KSR2: variants seen among roughly 807,000 people sequenced by gnomAD.
The protein encoded by KSR2 is kinase suppressor of ras 2.
In KSR2, 25 loss-of-function variants were observed where a neutral mutation model predicts 107.8. The observed-to-expected ratio is 0.23, with a 90% CI of 0.17 to 0.32. The LOEUF (loss-of-function observed/expected upper bound fraction) is 0.32, where lower values mean the gene tolerates loss of function less well. Among genes scored for constraint, KSR2 ranks in the 10% least tolerant of loss-of-function variants. KSR2 has a pLI of 1.00. For missense variants in KSR2, 887 were observed against 1,268.9 expected, an observed-to-expected ratio of 0.70 and a Z score of 4.57; for synonymous variants, 480 against 507.0, an observed-to-expected ratio of 0.95 and a Z score of 0.71.
At chr12:117,937,133 G>A (rs899518988) in intron 1 of KSR2, among the ~76,000 whole-genome samples, 1 of 152,194 alleles carries the variant, frequency 6.6e-6, no homozygotes. Context: ...CTAAATAGTA[G>A]CGGGGGAAAG....
chr12:117,820,855 T>C (rs1394704486), intron 3 of KSR2, among the ~76,000 whole-genome samples: 8 of 152,272 alleles, frequency 5.3e-5, no homozygotes. Context: ...CTACTCCCTG[T>C]CTCAAAGCAA....
At chr12:117,705,949 C>T (rs1481557551) in intron 4 of KSR2, among the ~76,000 whole-genome samples, 2 of 151,992 alleles carry the variant, frequency 1.3e-5, no homozygotes, top group Non-Finnish European at 2.9e-5. Context: ...GCCTCACAAG[C>T]CGTTCAGACA....
chr12:117,646,546 G>A (rs1002613884), intron 5 of KSR2, among the ~76,000 whole-genome samples: 1 of 152,170 alleles, frequency 6.6e-6, no homozygotes, highest in Non-Finnish European at 1.5e-5. Context: ...GAAAGCTGCA[G>A]CCAAAGCCTG....
At chr12:117,955,475 G>A (rs1032332278) in intron 1 of KSR2, among the ~76,000 whole-genome samples, 3 of 151,970 alleles carry the variant, frequency 2.0e-5, no homozygotes, top group African/African-American at 7.2e-5. Flanking sequence ...TTGGCACAGG[G>A]TTACTTAGCT....
chr12:117,845,779 C>T (rs1892682647), intron 3 of KSR2, among the ~76,000 whole-genome samples: 2 of 151,888 alleles, frequency 1.3e-5, no homozygotes, highest in South Asian at 4.2e-4. Context: ...CTCCCAGGCT[C>T]AGGTGATTCT....
chr12:117,737,416 G>A (rs555699088), intron 4 of KSR2, among the ~76,000 whole-genome samples: 10 of 152,080 alleles, frequency 6.6e-5, no homozygotes, highest in Non-Finnish European at 1.3e-4. Flanking sequence ...CCAAACTTCA[G>A]TCATTCTGTA....
intron 5 of KSR2, among the ~76,000 whole-genome samples, chr12:117,645,022 C>T (rs1187719722): frequency 6.6e-6 from 1 of 152,164 alleles, no homozygotes; most frequent in African/African-American, 2.4e-5. Flanking sequence ...ATAACTTGGG[C>T]CACAGTTGGT....
At chr12:117,698,531 G>A (rs1244186778) in intron 4 of KSR2, among the ~76,000 whole-genome samples, 3 of 151,474 alleles carry the variant, frequency 2.0e-5, no homozygotes, top group Admixed American at 2.0e-4. Flanking sequence ...TTGCTATGTT[G>A]CCCAGGCTGG....
chr12:117,719,912 A>G (rs1887139344), intron 4 of KSR2, among the ~76,000 whole-genome samples: 1 of 152,124 alleles, frequency 6.6e-6, no homozygotes, highest in South Asian at 2.1e-4. Context: ...GCGAAGGGCA[A>G]TGCTTCTCCT....
At chr12:117,839,361 C>A (rs368076462) in intron 3 of KSR2, among the ~76,000 whole-genome samples, 4 of 152,154 alleles carry the variant, frequency 2.6e-5, no homozygotes, top group Admixed American at 2.6e-4. Flanking sequence ...GCTGGTACCC[C>A]GCAATTTACT....
intron 1 of KSR2, among the ~76,000 whole-genome samples, chr12:117,901,709 G>A (rs1194004711): frequency 1.3e-5 from 2 of 152,092 alleles, no homozygotes; most frequent in African/African-American, 4.8e-5. Context: ...GCTGTTTTAA[G>A]ACCTTACATT....
chr12:117,936,516 TA>T (rs1895843814), intron 1 of KSR2, among the ~76,000 whole-genome samples: 2 of 44,552 alleles, frequency 4.5e-5, no homozygotes, highest in Non-Finnish European at 1.3e-4. Flanking sequence ...ATTATTTTAT[TA>T]TTATTATTAT....
At chr12:117,688,799 T>C (rs1885693231) in intron 4 of KSR2, among the ~76,000 whole-genome samples, 1 of 152,152 alleles carries the variant, frequency 6.6e-6, no homozygotes, top group South Asian at 2.1e-4. Flanking sequence ...CTGCTGTAAG[T>C]TTGGAGGACG....
intron 5 of KSR2, among the ~76,000 whole-genome samples, chr12:117,594,628 C>T (rs1387089475): frequency 6.6e-6 from 1 of 152,116 alleles, no homozygotes; most frequent in Non-Finnish European, 1.5e-5. Flanking sequence ...CATGGTTTAT[C>T]AGTGAGAGGT....
intron 4 of KSR2, among the ~76,000 whole-genome samples, chr12:117,670,408 A>G (rs1884856966): frequency 6.6e-6 from 1 of 152,214 alleles, no homozygotes; most frequent in Non-Finnish European, 1.5e-5. Context: ...AGCAATGAGA[A>G]GATAAGGGAT....
At chr12:117,475,696 A>G (rs991557536) in intron 17 of KSR2, among the ~76,000 whole-genome samples, 1 of 152,186 alleles carries the variant, frequency 6.6e-6, no homozygotes, top group African/African-American at 2.4e-5. Context: ...TATGTCCAGT[A>G]TATTCTTTGA....
intron 1 of KSR2, among the ~76,000 whole-genome samples, chr12:117,870,159 C>A (rs1487713496): frequency 6.6e-6 from 1 of 152,172 alleles, no homozygotes; most frequent in Non-Finnish European, 1.5e-5. Flanking sequence ...GAGAGAGGGC[C>A]TTATTCATCT....
At chr12:117,825,153 G>T (rs59228597) in intron 3 of KSR2, among the ~76,000 whole-genome samples, 12,427 of 152,158 alleles carry the variant, frequency 0.082, 1,481 homozygotes, top group African/African-American at 0.25. Flanking sequence ...CTGCACTCCA[G>T]CCTGGGTGAC....
chr12:117,832,791 G>A (rs1892027132), intron 3 of KSR2, among the ~76,000 whole-genome samples: 2 of 152,196 alleles, frequency 1.3e-5, no homozygotes, highest in Admixed American at 6.5e-5. Context: ...CCTAGGCTAT[G>A]AAGCCATCCA....
Sources: gnomAD v4.1 joint callset for allele counts (sites outside exome capture counted in the v4.1 genomes callset) on GRCh38, gnomAD v4.1.1 for gene constraint, MANE v1.5 for transcripts, NCBI Gene and HGNC (gene_info 2026-07-23, HGNC 2026-07-21) for gene names.